The following SNRK variants were observed in gnomAD, a reference collection of about 807,000 sequenced individuals.
SNRK encodes SNF-related serine/threonine-protein kinase.
Under a neutral mutation model 48.2 loss-of-function variants are expected in SNRK, and 3 were observed. That is an observed-to-expected ratio of 0.06 (90% CI 0.03 to 0.16). SNRK has a LOEUF of 0.16. Among genes scored for constraint, SNRK ranks in the 10% least tolerant of loss-of-function variants. The pLI is 1.00. For missense variants in SNRK, 627 were observed against 976.0 expected (o/e 0.64, Z 4.76); for synonymous variants, 376 against 366.1 (o/e 1.03, Z -0.31).
intron 3 of SNRK, among the ~76,000 whole-genome samples, chr3:43,329,224 G>A (rs1045703839): frequency 6.6e-6 from 1 of 152,154 alleles, no homozygotes; most frequent in African/African-American, 2.4e-5. Flanking sequence ...GGATCATGAG[G>A]TCAGGGGATC....
rs2091024556 is a variant in SNRK at position 43,317,783 on chromosome 3, T to G, written c.589+13991T>G. Among the ~76,000 whole-genome samples, 3 of 152,316 alleles carry G rather than the reference T, an allele frequency of 2.0e-5. No individual in the cohort carries two copies. The South Asian group carries it at 6.2e-4, about 32-fold the overall frequency. ...GTCACCCCTCAGTGAGGCCTCAGCT[T>G]CTTCTCCAGAGGTGTAGGGCCCCAG... On this transcript the variant is annotated intron_variant, in intron 3 of 6. Transcript: ENST00000296088.
chr3:43,335,314 G>A (rs1304815725), intron 4 of SNRK, among the ~76,000 whole-genome samples: 2 of 152,088 alleles, frequency 1.3e-5, no homozygotes, highest in Non-Finnish European at 2.9e-5. Flanking sequence ...TTTCTAGTTT[G>A]TGTTGATTTA....
In SNRK at chr3:43,350,520, C is replaced by G. The variant is rs1057128515; in HGVS notation, c.*1963C>G. 1 of 152,580 alleles carries G rather than the reference C, an allele frequency of 6.6e-6. No homozygotes were observed. Among genetic ancestry groups the G allele is most frequent in the African/African-American group, 2.4e-5 (1 of 41,422 alleles). The allele number at this position is 152,580 out of a possible 1,614,324, so 9.5% of individuals were successfully genotyped here. ...TTTATATTCAGATGTATATATGGTG[C>G]TCACTTTAGGATCAGCAGTGTTGAC... On this transcript the variant is annotated 3_prime_UTR_variant, in exon 7 of 7. Coordinates refer to ENST00000296088, the MANE Select transcript of SNRK (RefSeq NM_017719.5).
intron 3 of SNRK, among the ~76,000 whole-genome samples, chr3:43,326,022 T>C (rs964103596): frequency 6.6e-6 from 1 of 152,154 alleles, no homozygotes; most frequent in Non-Finnish European, 1.5e-5. Context: ...TGTAAAATGA[T>C]TTTATGAAGG....
chr3:43,309,655 AGCC>A (rs1385143592), intron 3 of SNRK, among the ~76,000 whole-genome samples: 1 of 146,924 alleles, frequency 6.8e-6, no homozygotes, highest in Non-Finnish European at 1.5e-5. Flanking sequence ...CTCTCTCTGT[AGCC>A]CAGGCTGGAG....
intron 3 of SNRK, among the ~76,000 whole-genome samples, chr3:43,323,204 C>T (rs1202079929): frequency 2.6e-5 from 4 of 151,982 alleles, no homozygotes; most frequent in Admixed American, 2.6e-4. Context: ...CATAGACATA[C>T]ATGTAAAATG....
chr3:43,339,046 T>C (rs2091212560), intron 4 of SNRK, among the ~76,000 whole-genome samples: 1 of 152,216 alleles, frequency 6.6e-6, no homozygotes, highest in Non-Finnish European at 1.5e-5. Context: ...TTGACTGATA[T>C]TCTTTGTAAT....
chr3:43,312,139 C>A (rs774967878), intron 3 of SNRK, among the ~76,000 whole-genome samples: 43 of 152,130 alleles, frequency 2.8e-4, no homozygotes, highest in Non-Finnish European at 4.3e-4. Context: ...TCCTAGTATA[C>A]AGACTATTTC....
At chr3:43,295,872 G>C (rs1329204405) in intron 1 of SNRK, among the ~76,000 whole-genome samples, 2 of 152,118 alleles carry the variant, frequency 1.3e-5, no homozygotes, top group African/African-American at 4.8e-5. Flanking sequence ...CCGAGTAGCT[G>C]GGACTACAGG....
At chr3:43,314,344 A>C (rs1001082010) in intron 3 of SNRK, among the ~76,000 whole-genome samples, 1 of 152,244 alleles carries the variant, frequency 6.6e-6, no homozygotes, top group Non-Finnish European at 1.5e-5. Flanking sequence ...AAAAATTGCT[A>C]TCCCTGGTCT....
At chr3:43,324,300 G>T (rs2091077740) in intron 3 of SNRK, among the ~76,000 whole-genome samples, 1 of 152,146 alleles carries the variant, frequency 6.6e-6, no homozygotes, top group Non-Finnish European at 1.5e-5. Flanking sequence ...ACAAGGTCAG[G>T]AGTTCAAGAT....
intron 4 of SNRK, chr3:43,333,411 A>G (rs1051258143): frequency 1.4e-5 from 2 of 145,932 alleles, no homozygotes; most frequent in Non-Finnish European, 3.0e-5. Context: ...GAAACTCTGG[A>G]TTCAAATATT....
At chr3:43,302,525 A>G (rs2090905115) in intron 2 of SNRK, among the ~76,000 whole-genome samples, 1 of 152,186 alleles carries the variant, frequency 6.6e-6, no homozygotes, top group African/African-American at 2.4e-5. Context: ...TGGTGTACCC[A>G]AATACCTGTA....
At chr3:43,306,996 T>C (rs2090942744) in intron 3 of SNRK, among the ~76,000 whole-genome samples, 1 of 152,204 alleles carries the variant, frequency 6.6e-6, no homozygotes, top group Non-Finnish European at 1.5e-5. Flanking sequence ...CTGTTCTTTA[T>C]GTGATTAAAA....
intron 1 of SNRK, among the ~76,000 whole-genome samples, chr3:43,287,237 C>T (rs771066978): frequency 5.3e-5 from 8 of 152,146 alleles, no homozygotes; most frequent in Non-Finnish European, 1.0e-4. Context: ...GGAGCAGTGC[C>T]ATTCCCGAGG....
chr3:43,319,629 G>A (rs757803755), intron 3 of SNRK, among the ~76,000 whole-genome samples: 30 of 152,206 alleles, frequency 2.0e-4, no homozygotes, highest in Non-Finnish European at 4.4e-4. Context: ...CAATAGTAAG[G>A]TCCTTGAGAG....
chr3:43,326,244 ACTT>A (rs2091095569), intron 3 of SNRK, among the ~76,000 whole-genome samples: 1 of 152,012 alleles, frequency 6.6e-6, no homozygotes, highest in Non-Finnish European at 1.5e-5. Context: ...TGCTCTGAGC[ACTT>A]CTTAGTCTCC....
In SNRK at chr3:43,348,185, G is replaced by A. The variant is rs1472392543; in HGVS notation, c.1926G>A (p.Glu642=). Residue 642 remains glutamate (E), a synonymous_variant, in exon 7 of 7, where the codon GAG becomes GAA. Coordinates refer to ENST00000296088, the MANE Select transcript of SNRK (RefSeq NM_017719.5). The stretch of plus-strand genomic sequence containing the variant: ...AGCTGGCCTCTCGCAGTGCTGGGGA[G>A]CTCGTTGAGAGCCTCAAACTCATGA... ...SMQLASRSAG[E]LVESLKLMSL... is the part of the protein sequence containing the mutation. 1 of 1,598,656 alleles carries A rather than the reference G, an allele frequency of 6.3e-7. No individual in the cohort carries two copies. The highest frequency in any genetic ancestry group is 2.2e-5 in the East Asian group (1 of 44,840).
chr3:43,289,185 A>G (rs1041616810), intron 1 of SNRK, among the ~76,000 whole-genome samples: 2 of 152,158 alleles, frequency 1.3e-5, no homozygotes, highest in Non-Finnish European at 2.9e-5. Flanking sequence ...GCAGTGAACA[A>G]CCTGACATGG....
Sources: allele counts gnomAD v4.1 joint callset (sites outside exome capture counted in the v4.1 genomes callset), GRCh38; gene constraint gnomAD v4.1.1; transcripts MANE v1.5; gene names NCBI Gene and HGNC (gene_info 2026-07-23, HGNC 2026-07-21).